SLIT2: variants seen among roughly 807,000 people sequenced by gnomAD.
The protein encoded by SLIT2 is slit homolog 2 protein.
SLIT2 carries 41 observed loss-of-function variants against 185.7 expected under a neutral mutation model. That is an observed-to-expected ratio of 0.22 (90% CI 0.17 to 0.29). The LOEUF is 0.29. SLIT2 is among the 10% of genes least tolerant of loss of function. SLIT2 has a pLI of 1.00. For missense variants in SLIT2, 1,571 were observed against 1,909.0 expected (o/e 0.82, Z 3.30); for synonymous variants, 693 against 680.2 (o/e 1.02, Z -0.29).
chr4:20,325,686 A>G (rs1719517862), intron 4 of SLIT2, among the ~76,000 whole-genome samples: 1 of 152,110 alleles, frequency 6.6e-6, no homozygotes, highest in Non-Finnish European at 1.5e-5. Flanking sequence ...GTTTTCAGAA[A>G]CAGCCCTATC....
intron 4 of SLIT2, among the ~76,000 whole-genome samples, chr4:20,291,482 ATATATATATATTTTTTTTTTTTTTTTT>A (rs1270719485): frequency 0.017 from 215 of 12,582 alleles, no homozygotes; most frequent in Middle Eastern, 0.071. Flanking sequence ...ATATATATAT[ATATATATATATTTTTTTTTTTTTTTTT>A]TTTTTTTTTT....
At chr4:20,392,624 A>C (rs1012476275) in intron 4 of SLIT2, among the ~76,000 whole-genome samples, 10 of 152,158 alleles carry the variant, frequency 6.6e-5, no homozygotes, top group Admixed American at 3.9e-4. Context: ...ACACAAGTAC[A>C]TTGTACAGCT....
chr4:20,485,858 G>A (rs1717180595), intron 6 of SLIT2, among the ~76,000 whole-genome samples: 1 of 152,086 alleles, frequency 6.6e-6, no homozygotes, highest in South Asian at 2.1e-4. Flanking sequence ...AATGTAATTG[G>A]GCATATTTTC....
chr4:20,347,460 A>C (rs1005268305), intron 4 of SLIT2, among the ~76,000 whole-genome samples: 7 of 152,216 alleles, frequency 4.6e-5, no homozygotes, highest in African/African-American at 1.7e-4. Context: ...AGAAGACTAC[A>C]TTATTTACCT....
Position 20,598,250 on chromosome 4 carries a change from G to T in SLIT2, c.3562-15G>T. The T allele has an allele frequency of 1.9e-6, 3 of 1,613,284 alleles. No individual in the cohort carries two copies. The South Asian group carries it at 3.3e-5, about 18-fold the overall frequency. ...GCGTACACATCCTAGTAATGCCAGG[G>T]TTACTTTCTACTAGATTGCCACAGA... On this transcript the variant is annotated splice_polypyrimidine_tract_variant and intron_variant, in intron 32 of 36. Transcript: ENST00000504154.
At position 20,474,974 on chromosome 4, in the gene SLIT2, C is replaced by G. The variant is rs140764867; in HGVS notation, c.468-5742C>G. 2.7e-3 allele frequency among the ~76,000 whole-genome samples: 413 copies of G among 151,808 alleles called. 2 individuals are homozygous for G. The highest frequency in any genetic ancestry group is 9.5e-3 in the African/African-American group (394 of 41,420). On this transcript the variant is annotated intron_variant, in intron 5 of 36. Transcript: ENST00000504154. Reference sequence around the variant, plus strand: ...TAGATACAGAAACTCTAGGACTAGGCAGAATGTTGCCTAGTTCTACAGTAT... The same window carrying G: ...TAGATACAGAAACTCTAGGACTAGGGAGAATGTTGCCTAGTTCTACAGTAT...
At chr4:20,570,731 G>GTATATATATATA (rs55841917) in intron 29 of SLIT2, among the ~76,000 whole-genome samples, 13 of 125,548 alleles carry the variant, frequency 1.0e-4, no homozygotes, top group South Asian at 5.4e-4. Context: ...ATATATATAT[G>GTATATATATATA]TATATATATA....
Position 20,519,446 on chromosome 4 carries a change from C to G in SLIT2, c.1123C>G (p.Gln375Glu). 6.4e-7 allele frequency: 1 copy of G among 1,564,838 alleles called. No individual in the cohort carries two copies. Among genetic ancestry groups the G allele is most frequent in the Non-Finnish European group, 8.8e-7 (1 of 1,135,994 alleles). The change falls in exon 12 of 37, where the codon CAG (glutamine) becomes GAG (glutamate). Residue 375 changes from glutamine to glutamate, a missense_variant. Coordinates refer to ENST00000504154, the MANE Select transcript of SLIT2 (RefSeq NM_004787.4). ...KSLFEGLFSL[Q>E]LLLLNANKIN... ...TTTATTTGAAGGACTGTTTTCCTTA[C>G]AGCTCCTGTAAGTATTTGATTGTTT...
At chr4:20,565,646 T>C (rs1012812368) in intron 26 of SLIT2, among the ~76,000 whole-genome samples, 5 of 151,912 alleles carry the variant, frequency 3.3e-5, no homozygotes, top group Admixed American at 3.3e-4. Context: ...TAGAGACTCC[T>C]TTAGTTATTG....
intron 4 of SLIT2, among the ~76,000 whole-genome samples, chr4:20,407,241 T>G (rs1339477151): frequency 6.6e-6 from 1 of 152,190 alleles, no homozygotes; most frequent in Admixed American, 6.6e-5. Context: ...TAAGCTTCAT[T>G]GAGCTGTATA....
intron 7 of SLIT2, among the ~76,000 whole-genome samples, chr4:20,487,521 A>G (rs969854377): frequency 6.6e-6 from 1 of 152,102 alleles, no homozygotes; most frequent in African/African-American, 2.4e-5. Flanking sequence ...TTCCATTTTT[A>G]CATTCTTTTC....
intron 12 of SLIT2, among the ~76,000 whole-genome samples, chr4:20,521,760 C>T (rs1485459498): frequency 2.0e-5 from 3 of 151,558 alleles, no homozygotes; most frequent in South Asian, 2.1e-4. Context: ...ATTGAGTCAC[C>T]GTGAGAAAGT....
chr4:20,340,472 G>A (rs995844436), intron 4 of SLIT2, among the ~76,000 whole-genome samples: 1 of 152,050 alleles, frequency 6.6e-6, no homozygotes, highest in Non-Finnish European at 1.5e-5. Context: ...AAACCTTGTA[G>A]TGCTACTTCT....
Position 20,268,882 on chromosome 4 carries a change from G to A in SLIT2, c.395+1G>A. Reference sequence around the variant, plus strand: ...TTGGGACTGCGAAGCTATACAGGCTGTAAGTAGACACAAATAGTTATTGTT... The same window carrying A: ...TTGGGACTGCGAAGCTATACAGGCTATAAGTAGACACAAATAGTTATTGTT... On this transcript the variant is annotated splice_donor_variant, in intron 4 of 36. Coordinates refer to ENST00000504154, the MANE Select transcript of SLIT2 (RefSeq NM_004787.4). LOFTEE classifies it high-confidence loss of function. 6.4e-7 allele frequency: 1 copy of A among 1,565,032 alleles called. No homozygotes were observed. Among genetic ancestry groups the A allele is most frequent in the South Asian group, 1.1e-5 (1 of 90,058 alleles).
intron 4 of SLIT2, among the ~76,000 whole-genome samples, chr4:20,444,133 C>T (rs1297909506): frequency 6.6e-6 from 1 of 152,032 alleles, no homozygotes; most frequent in Non-Finnish European, 1.5e-5. Context: ...AGGCTCCTTC[C>T]TAGAGGGTTT....
chr4:20,408,211 C>G (rs557183193), intron 4 of SLIT2, among the ~76,000 whole-genome samples: 3 of 152,226 alleles, frequency 2.0e-5, no homozygotes, highest in African/African-American at 7.2e-5. Flanking sequence ...CTTGTAATAT[C>G]CAGACCATCA....
At chr4:20,602,970 T>C (rs1031040749) in intron 33 of SLIT2, among the ~76,000 whole-genome samples, 9 of 152,128 alleles carry the variant, frequency 5.9e-5, no homozygotes, top group African/African-American at 2.2e-4. Flanking sequence ...ATTTGGAATA[T>C]GGCGCACGGG....
intron 4 of SLIT2, among the ~76,000 whole-genome samples, chr4:20,427,741 C>T (rs563510403): frequency 6.1e-5 from 9 of 148,518 alleles, no homozygotes; most frequent in African/African-American, 2.2e-4. Flanking sequence ...CTTCTAAAAA[C>T]TTCCCAGTAA....
At position 20,548,650 on chromosome 4, in the gene SLIT2, T is replaced by C. The variant is rs533089495; in HGVS notation, c.2417+91T>C. 169 of 762,586 alleles carry C rather than the reference T, an allele frequency of 2.2e-4. No individual in the cohort carries two copies. In the African/African-American group the frequency reaches 2.6e-3, roughly 12 times the overall value. The allele number at this position is 762,586 out of a possible 1,614,324, so 47.2% of individuals were successfully genotyped here. On this transcript the variant is annotated intron_variant, in intron 23 of 36. Transcript: ENST00000504154. ...TGGACATTGCTATTGAACAAGACAG[T>C]CTCTACCCTCAAGGAATGTTTCTAT...
Sources: gnomAD v4.1 joint callset for allele counts (sites outside exome capture counted in the v4.1 genomes callset) on GRCh38, gnomAD v4.1.1 for gene constraint, MANE v1.5 for transcripts, NCBI Gene and HGNC (gene_info 2026-07-23, HGNC 2026-07-21) for gene names.